The following NIPBL variants were observed in gnomAD, a reference collection of about 807,000 sequenced individuals.
NIPBL encodes the protein NIPBL cohesin loading factor.
A neutral mutation model predicts 321.8 loss-of-function variants in NIPBL; 19 were observed. The ratio of observed to expected loss-of-function variants is 0.06; its 90% CI spans 0.04 to 0.09. The LOEUF (loss-of-function observed/expected upper bound fraction) is 0.09. NIPBL is among the 10% of genes least tolerant of loss of function. The probability of loss-of-function intolerance (pLI) is 1.00; values close to 1 mark genes in which losing one functional copy is unlikely to be tolerated. For missense variants in NIPBL, 2,210 were observed against 3,327.0 expected, an observed-to-expected ratio of 0.66 and a Z score of 8.26; for synonymous variants, 1,106 against 1,114.1, an observed-to-expected ratio of 0.99 and a Z score of 0.14.
intron 3 of NIPBL, among the ~76,000 whole-genome samples, chr5:36,957,808 C>A (rs1644224106): frequency 6.6e-6 from 1 of 151,992 alleles, no homozygotes; most frequent in South Asian, 2.1e-4. Context: ...CATGGTGAAA[C>A]CCTGTCTCTA....
rs184876467 is a variant in NIPBL at position 36,981,822 on chromosome 5, G to C, written c.1496-2854G>C. Among the ~76,000 whole-genome samples, 511 of 151,794 alleles carry C rather than the reference G, an allele frequency of 3.4e-3. 2 individuals are homozygous for C. The highest frequency in any genetic ancestry group is 0.012 in the African/African-American group (491 of 41,470). ...ACAATATTCTTGCACTATAGCCCTT[G>C]TTAAAAGTCAATGATTACCTACTGT... On this transcript the variant is annotated intron_variant, in intron 9 of 46. Coordinates refer to ENST00000282516, the MANE Select transcript of NIPBL (RefSeq NM_133433.4).
intron 45 of NIPBL, among the ~76,000 whole-genome samples, chr5:37,061,865 G>A (rs529884888): frequency 1.5e-4 from 23 of 152,112 alleles, no homozygotes; most frequent in Non-Finnish European, 2.6e-4. Flanking sequence ...TTTTGAGACG[G>A]AGTTTCACTC....
At chr5:36,920,274 G>A (rs1748830534) in intron 1 of NIPBL, among the ~76,000 whole-genome samples, 1 of 152,104 alleles carries the variant, frequency 6.6e-6, no homozygotes, top group South Asian at 2.1e-4. Context: ...CTTGTTACAA[G>A]CATGTTGTCA....
chr5:36,905,709 G>A (rs1747579218), intron 1 of NIPBL, among the ~76,000 whole-genome samples: 1 of 151,832 alleles, frequency 6.6e-6, no homozygotes, highest in Non-Finnish European at 1.5e-5. Flanking sequence ...TAAAAAATAA[G>A]AAAGTCAAAG....
intron 27 of NIPBL, among the ~76,000 whole-genome samples, chr5:37,021,638 G>A (rs1027841442): frequency 1.3e-5 from 2 of 152,092 alleles, no homozygotes; most frequent in African/African-American, 2.4e-5. Context: ...CCGAGATTGC[G>A]CCACTGCACT....
chr5:37,049,779 C>T lies in NIPBL; in HGVS notation c.6954+478C>T, dbSNP rs964357263. On this transcript the variant is annotated intron_variant, in intron 40 of 46. Coordinates refer to ENST00000282516, the MANE Select transcript of NIPBL (RefSeq NM_133433.4). ...TAGCATTAATATGAGGACACAACGACGTAATAAAGACATTAGTGTTACTGA... is the reference window on the plus strand; with the variant it reads ...TAGCATTAATATGAGGACACAACGATGTAATAAAGACATTAGTGTTACTGA... Among the ~76,000 whole-genome samples the T allele has an allele frequency of 7.9e-5, 12 of 152,096 alleles. 1 individual carries two copies. The South Asian group carries it at 8.3e-4, about 11-fold the overall frequency.
chr5:36,977,658 G>C (rs544227502), intron 9 of NIPBL, among the ~76,000 whole-genome samples: 1 of 150,936 alleles, frequency 6.6e-6, no homozygotes, highest in Non-Finnish European at 1.5e-5. Context: ...TTGTTACGTG[G>C]GTATATTGTG....
At position 37,006,440 on chromosome 5, in the gene NIPBL, A is replaced by C; in HGVS notation, c.3939A>C (p.Thr1313=). 6.2e-7 allele frequency: 1 copy of C among 1,612,942 alleles called. No individual in the cohort carries two copies. Among genetic ancestry groups the C allele is most frequent in the Non-Finnish European group, 8.5e-7 (1 of 1,179,072 alleles). ...RVTKSADACL[T]TINIMTSPNM... The stretch of plus-strand genomic sequence containing the variant: ...CAAAATCAGCGGATGCTTGTCTTAC[A>C]ACTATCAACATTATGACATCCCCTA... Residue 1313 remains threonine (T), a synonymous_variant, in exon 17 of 47, where the codon ACA becomes ACC. Coordinates refer to ENST00000282516, the MANE Select transcript of NIPBL (RefSeq NM_133433.4).
chr5:36,885,597 C>T, intron 1 of NIPBL: 1 of 534,120 alleles, frequency 1.9e-6, no homozygotes, highest in Non-Finnish European at 3.7e-6. Context: ...TACTTCAAGA[C>T]CATCGAGGAT....
chr5:37,054,758 A>T (rs1215209645), intron 42 of NIPBL, among the ~76,000 whole-genome samples: 2 of 152,220 alleles, frequency 1.3e-5, no homozygotes, highest in South Asian at 2.1e-4. Flanking sequence ...GGGATCTGCT[A>T]TATAAACCAG....
chr5:37,012,861 A>AC (rs1426997175), intron 21 of NIPBL, among the ~76,000 whole-genome samples: 5 of 152,184 alleles, frequency 3.3e-5, no homozygotes, highest in Admixed American at 1.3e-4. Flanking sequence ...TCCCATGTCT[A>AC]CCTCTTTCTA....
At chr5:36,910,504 A>T (rs1747964883) in intron 1 of NIPBL, among the ~76,000 whole-genome samples, 1 of 152,164 alleles carries the variant, frequency 6.6e-6, no homozygotes, top group Non-Finnish European at 1.5e-5. Flanking sequence ...CATCTTTTCC[A>T]TATACCTTTA....
chr5:36,885,157 G>A, intron 1 of NIPBL: 1 of 477,158 alleles, frequency 2.1e-6, no homozygotes, highest in Non-Finnish European at 4.2e-6. Context: ...ATGCTATTCA[G>A]GGTCAGCAAA....
rs773223714 is a variant in NIPBL, at chr5:36,912,501, A to ATT, written c.-80+35340_-80+35341dup. ...TTGTCCTAGAGAACATGTATTACTG[A>ATT]TTTTTTTTTTTTTTTTTTGGGGATG... On this transcript the variant is annotated intron_variant, in intron 1 of 46. Coordinates refer to ENST00000282516, the MANE Select transcript of NIPBL (RefSeq NM_133433.4). 1.8e-3 allele frequency among the ~76,000 whole-genome samples: 251 copies of ATT among 136,864 alleles called. 2 individuals are homozygous for ATT. Among genetic ancestry groups the ATT allele is most frequent in the African/African-American group, 6.2e-3 (235 of 37,740 alleles). 89.8% of individuals were successfully genotyped at this position (136,864 alleles called of 152,430 possible).
At chr5:36,981,251 A>G (rs1417068213) in intron 9 of NIPBL, among the ~76,000 whole-genome samples, 2 of 151,710 alleles carry the variant, frequency 1.3e-5, no homozygotes, top group Non-Finnish European at 3.0e-5. Flanking sequence ...TATTCCACTC[A>G]ATAACCAGAA....
At chr5:37,032,428 TGTG>T (rs1337275153) in intron 32 of NIPBL, among the ~76,000 whole-genome samples, 7 of 141,602 alleles carry the variant, frequency 4.9e-5, no homozygotes, top group African/African-American at 1.1e-4. Flanking sequence ...TGTGTGTGTG[TGTG>T]TGTGTGTAGT....
intron 1 of NIPBL, among the ~76,000 whole-genome samples, chr5:36,927,720 G>A (rs1320516392): frequency 1.3e-5 from 2 of 152,182 alleles, no homozygotes; most frequent in African/African-American, 4.8e-5. Flanking sequence ...GTTTGAGATG[G>A]TTGTTAGACA....
intron 11 of NIPBL, 77 bp downstream of exon 11, chr5:36,995,881 G>T (rs1746087601): frequency 7.4e-7 from 1 of 1,349,282 alleles, no homozygotes; most frequent in Non-Finnish European, 1.0e-6. Flanking sequence ...TTATAATTTG[G>T]GGGTTTAGCA....
At chr5:36,963,569 G>C (rs1250259307) in intron 6 of NIPBL, among the ~76,000 whole-genome samples, 2 of 151,848 alleles carry the variant, frequency 1.3e-5, no homozygotes, top group Non-Finnish European at 2.9e-5. Context: ...TAGGAGGCTG[G>C]GGCAGAGGAA....
Sources: gnomAD v4.1 joint callset for allele counts (sites outside exome capture counted in the v4.1 genomes callset) on GRCh38, gnomAD v4.1.1 for gene constraint, MANE v1.5 for transcripts, NCBI Gene and HGNC (gene_info 2026-07-23, HGNC 2026-07-21) for gene names.